VWA2: variants seen among roughly 807,000 people sequenced by gnomAD.
VWA2 encodes the protein von Willebrand factor A domain containing 2.
VWA2 carries 73 observed loss-of-function variants against 70.4 expected under a neutral mutation model. The ratio of observed to expected loss-of-function variants is 1.04; its 90% CI spans 0.86 to 1.26. The LOEUF is 1.26. VWA2 is among the 50% of genes most tolerant of loss of function. VWA2 has a pLI of 0.00. For synonymous variants in VWA2, 407 were observed against 423.3 expected (o/e 0.96, Z 0.47); for missense variants, 1,011 against 998.5 (o/e 1.01, Z -0.17).
Position 114,289,379 on chromosome 10 carries a change from TA to T in VWA2, c.2014del (p.Ser672ValfsTer14). Reference protein sequence around the residue: ...SVLVVGVGPVLSEGLRRLAGP... With the variant: ...SVLVVGVGPVXSEGLRRLAGP... ...TTGGTCGTGGGCGTGGGGCCTGTCC[TA>T]AGTGAGGGTCTGCGGAGGCTTGCAG... On this transcript the variant is annotated frameshift_variant, in exon 12 of 14. Transcript: ENST00000392982. LOFTEE classifies it high-confidence loss of function. 6.2e-7 allele frequency: 1 copy of T among 1,614,018 alleles called. No individual in the cohort carries two copies. The highest frequency in any genetic ancestry group is 8.5e-7 in the Non-Finnish European group (1 of 1,179,846).
rs1296542390 is a variant in VWA2, at chr10:114,239,293, C to T, written c.-287C>T. 1.3e-5 allele frequency: 2 copies of T among 152,268 alleles called. No homozygotes were observed. Among genetic ancestry groups the T allele is most frequent in the African/African-American group, 2.4e-5 (1 of 41,454 alleles). 9.4% of individuals were successfully genotyped at this position (152,268 alleles called of 1,614,324 possible). A position where few individuals can be genotyped will look rare whatever the true frequency, so the allele number is the denominator to read the frequency against. Reference sequence around the variant, plus strand: ...TGCACCGCTCGGAGGCTGGGTGACCCGCGTAGAAGTGAAGTACTTTTTTAT... The same window carrying T: ...TGCACCGCTCGGAGGCTGGGTGACCTGCGTAGAAGTGAAGTACTTTTTTAT... On this transcript the variant is annotated 5_prime_UTR_variant, in exon 1 of 14. Transcript: ENST00000392982.
chr10:114,265,071 A>G (rs1229521792), intron 5 of VWA2, among the ~76,000 whole-genome samples: 1 of 152,216 alleles, frequency 6.6e-6, no homozygotes, highest in Non-Finnish European at 1.5e-5. Context: ...ATGAAGATAA[A>G]AAGTGGATTA....
intron 6 of VWA2, among the ~76,000 whole-genome samples, chr10:114,275,435 A>G (rs1288697045): frequency 2.0e-5 from 3 of 152,214 alleles, no homozygotes; most frequent in African/African-American, 4.8e-5. Context: ...TGTGCCAGAC[A>G]CAGTGCCTTG....
intron 9 of VWA2, among the ~76,000 whole-genome samples, chr10:114,282,803 T>C (rs150596063): frequency 1.5e-3 from 233 of 152,284 alleles, no homozygotes; most frequent in Non-Finnish European, 2.8e-3. Flanking sequence ...CAGTGTTGTG[T>C]GCATTGGTGA....
intron 4 of VWA2, among the ~76,000 whole-genome samples, chr10:114,257,999 T>C (rs1265729399): frequency 6.6e-6 from 1 of 151,956 alleles, no homozygotes; most frequent in Non-Finnish European, 1.5e-5. Flanking sequence ...GTTCAGGGAG[T>C]TAGATTTGGG....
chr10:114,269,818 G>T (rs1410820838), intron 5 of VWA2, among the ~76,000 whole-genome samples: 1 of 152,160 alleles, frequency 6.6e-6, no homozygotes, highest in Non-Finnish European at 1.5e-5. Context: ...GGCAAGGACT[G>T]GTTTAGAACC....
chr10:114,269,694 A>C (rs551809707), intron 5 of VWA2, among the ~76,000 whole-genome samples: 1 of 152,238 alleles, frequency 6.6e-6, no homozygotes, highest in African/African-American at 2.4e-5. Context: ...CCTGTGAGAA[A>C]CAGAAAAGAG....
chr10:114,264,699 G>A (rs35896146), intron 5 of VWA2, among the ~76,000 whole-genome samples: 23,710 of 150,920 alleles, frequency 0.16, 1,999 homozygotes, highest in Middle Eastern at 0.23. Context: ...AATTACAGGC[G>A]TGAGCCACTG....
chr10:114,249,065 G>A (rs1252627655), intron 2 of VWA2, among the ~76,000 whole-genome samples: 1 of 151,970 alleles, frequency 6.6e-6, no homozygotes, highest in African/African-American at 2.4e-5. Flanking sequence ...CGTTACATAG[G>A]TAAATGTGTG....
intron 5 of VWA2, among the ~76,000 whole-genome samples, chr10:114,269,614 C>G (rs2037662110): frequency 1.3e-5 from 2 of 152,272 alleles, no homozygotes; most frequent in African/African-American, 4.8e-5. Context: ...GGCTGGAACC[C>G]AAGCCTTCCC....
At chr10:114,255,139 C>T in intron 4 of VWA2, 91 bp downstream of exon 4, 3 of 1,522,696 alleles carry the variant, frequency 2.0e-6, no homozygotes, top group East Asian at 2.3e-5. Context: ...CATCTACTCG[C>T]TTGTGGAGCT....
chr10:114,246,722 C>T lies in VWA2; in HGVS notation c.-10-1982C>T, dbSNP rs556845669. ...TCAACTAGCAAACAGTCTTAGGAAT[C>T]GTGCAGGGGGAGAAATCCTTGAACC... On this transcript the variant is annotated intron_variant, in intron 1 of 13. Transcript: ENST00000392982. 119 of 1,528,636 alleles carry T rather than the reference C, an allele frequency of 7.8e-5. No individual in the cohort carries two copies. In the African/African-American group the frequency reaches 1.4e-3, roughly 18 times the overall value. The allele number at this position is 1,528,636 out of a possible 1,614,324, so 94.7% of individuals were successfully genotyped here.
intron 5 of VWA2, among the ~76,000 whole-genome samples, chr10:114,267,598 A>ATTT (rs1227410084): frequency 0.022 from 3,025 of 136,720 alleles, 49 homozygotes; most frequent in Middle Eastern, 0.069. Context: ...CACCTGGCTA[A>ATTT]TTTTTTTTTT....
intron 5 of VWA2, among the ~76,000 whole-genome samples, chr10:114,271,383 T>A (rs1396847699): frequency 6.6e-6 from 1 of 152,118 alleles, no homozygotes; most frequent in Non-Finnish European, 1.5e-5. Flanking sequence ...TAGAAAGCAA[T>A]AAAAGTGAAG....
intron 8 of VWA2, among the ~76,000 whole-genome samples, chr10:114,279,082 G>A (rs1395450858): frequency 3.9e-5 from 6 of 152,160 alleles, no homozygotes; most frequent in African/African-American, 7.2e-5. Flanking sequence ...CTGGTGGCAG[G>A]GTCACAGGCA....
chr10:114,266,030 G>A (rs1455597460), intron 5 of VWA2, among the ~76,000 whole-genome samples: 1 of 152,176 alleles, frequency 6.6e-6, no homozygotes, highest in East Asian at 1.9e-4. Context: ...GGGCGCGGTG[G>A]CTCACGTCTG....
intron 1 of VWA2, among the ~76,000 whole-genome samples, chr10:114,239,819 C>T (rs1421750853): frequency 6.6e-6 from 1 of 152,180 alleles, no homozygotes; most frequent in Admixed American, 6.5e-5. Flanking sequence ...CGTGGCCACT[C>T]GCGGTCCGTC....
chr10:114,241,723 A>G (rs1279170082), intron 1 of VWA2, among the ~76,000 whole-genome samples: 1 of 152,210 alleles, frequency 6.6e-6, no homozygotes, highest in Non-Finnish European at 1.5e-5. Flanking sequence ...ATGAAATTTC[A>G]TGTAATTATA....
intron 2 of VWA2, 106 bp from the exon 3 acceptor site, chr10:114,253,545 C>G (rs1564715407): frequency 3.0e-5 from 28 of 946,188 alleles, no homozygotes; most frequent in Non-Finnish European, 4.4e-5. Flanking sequence ...CCCCCACATT[C>G]TAGGTTTCTC....
Sources: gnomAD v4.1 joint callset for allele counts (sites outside exome capture counted in the v4.1 genomes callset) on GRCh38, gnomAD v4.1.1 for gene constraint, MANE v1.5 for transcripts, NCBI Gene and HGNC (gene_info 2026-07-23, HGNC 2026-07-21) for gene names.